NBEA: variants seen among roughly 807,000 people sequenced by gnomAD.
The protein encoded by NBEA is neurobeachin.
A neutral mutation model predicts 343.4 loss-of-function variants in NBEA; 44 were observed. The observed-to-expected ratio is 0.13, with a 90% CI of 0.10 to 0.16. The LOEUF (loss-of-function observed/expected upper bound fraction) is 0.16. Among genes scored for constraint, NBEA ranks in the 10% least tolerant of loss-of-function variants. The pLI is 1.00. For missense variants in NBEA, 2,555 were observed against 3,631.3 expected (o/e 0.70, Z 7.62); for synonymous variants, 1,175 against 1,238.7 (o/e 0.95, Z 1.08).
intron 1 of NBEA, among the ~76,000 whole-genome samples, chr13:34,959,473 G>A (rs2059594067): frequency 6.6e-6 from 1 of 152,018 alleles, no homozygotes; most frequent in Non-Finnish European, 1.5e-5. Flanking sequence ...AGCAGTTCAA[G>A]ATTCCTGGAA....
At chr13:35,034,601 A>C (rs2062369197) in intron 1 of NBEA, among the ~76,000 whole-genome samples, 1 of 151,588 alleles carries the variant, frequency 6.6e-6, no homozygotes, top group Non-Finnish European at 1.5e-5. Flanking sequence ...TCTATTTTTC[A>C]GAATAGTTTG....
chr13:35,607,394 A>G (rs2082323503), intron 48 of NBEA, among the ~76,000 whole-genome samples: 1 of 152,196 alleles, frequency 6.6e-6, no homozygotes, highest in East Asian at 1.9e-4. Flanking sequence ...CAGAATGTTC[A>G]CATATGGGAA....
At chr13:35,360,541 A>G (rs1440510977) in intron 38 of NBEA, among the ~76,000 whole-genome samples, 1 of 152,116 alleles carries the variant, frequency 6.6e-6, no homozygotes. Context: ...GCCAATCCCA[A>G]GATGACTAAA....
intron 41 of NBEA, among the ~76,000 whole-genome samples, chr13:35,503,298 A>G (rs1422259307): frequency 6.6e-6 from 1 of 151,824 alleles, no homozygotes; most frequent in Non-Finnish European, 1.5e-5. Flanking sequence ...CAGCCCAGAG[A>G]TAAGAATTTA....
intron 35 of NBEA, among the ~76,000 whole-genome samples, chr13:35,305,977 T>C (rs1306655604): frequency 6.6e-6 from 1 of 152,206 alleles, no homozygotes; most frequent in Non-Finnish European, 1.5e-5. Flanking sequence ...AACTCTCATA[T>C]TGAAAAATTG....
At chr13:35,033,514 G>A (rs1467598607) in intron 1 of NBEA, among the ~76,000 whole-genome samples, 1 of 151,348 alleles carries the variant, frequency 6.6e-6, no homozygotes, top group Non-Finnish European at 1.5e-5. Context: ...ATATAAATTT[G>A]AGCATTGTTT....
Position 35,318,630 on chromosome 13 carries a change from AG to A in NBEA, c.5903+9040del, listed in dbSNP as rs1268974783. Among the ~76,000 whole-genome samples the A allele has an allele frequency of 7.9e-5, 12 of 152,256 alleles. No individual in the cohort carries two copies. In the East Asian group the frequency reaches 1.7e-3, roughly 22 times the overall value. ...GTTGGCCTCATAAAATGAGTTAGGGAGGAGTCCCTCTTTTTCTACTGTTTGG... is the reference window on the plus strand; with the variant it reads ...GTTGGCCTCATAAAATGAGTTAGGGAGAGTCCCTCTTTTTCTACTGTTTGG... On this transcript the variant is annotated intron_variant, in intron 36 of 58. Transcript: ENST00000379939.
At chr13:35,530,863 C>T (rs1389275686) in intron 41 of NBEA, among the ~76,000 whole-genome samples, 1 of 152,160 alleles carries the variant, frequency 6.6e-6, no homozygotes, top group African/African-American at 2.4e-5. Context: ...TACTAACAGT[C>T]TACACTGTCA....
At chr13:35,545,353 T>A (rs2079016284) in intron 41 of NBEA, among the ~76,000 whole-genome samples, 2 of 152,170 alleles carry the variant, frequency 1.3e-5, no homozygotes, top group Admixed American at 1.3e-4. Flanking sequence ...ATCCTCCACA[T>A]GCCTCCCTAG....
At chr13:35,601,434 A>T (rs1057499920) in intron 47 of NBEA, among the ~76,000 whole-genome samples, 1 of 152,174 alleles carries the variant, frequency 6.6e-6, no homozygotes, top group East Asian at 1.9e-4. Flanking sequence ...AATCATTGCT[A>T]TGCAGAAAAT....
At chr13:35,337,467 A>G (rs527473933) in intron 36 of NBEA, among the ~76,000 whole-genome samples, 1 of 152,264 alleles carries the variant, frequency 6.6e-6, no homozygotes, top group South Asian at 2.1e-4. Flanking sequence ...TTTTAAAAAT[A>G]TATGCACTTA....
intron 40 of NBEA, among the ~76,000 whole-genome samples, chr13:35,459,600 T>A (rs1448214620): frequency 6.6e-6 from 1 of 152,102 alleles, no homozygotes; most frequent in Non-Finnish European, 1.5e-5. Flanking sequence ...GAAATGAAAG[T>A]AGACAGTTGA....
chr13:35,404,561 C>T (rs1386715552), intron 38 of NBEA, among the ~76,000 whole-genome samples: 61 of 134,578 alleles, frequency 4.5e-4, no homozygotes, highest in Non-Finnish European at 7.6e-4. Context: ...AATGAGAACA[C>T]ATGGACACAG....
intron 1 of NBEA, among the ~76,000 whole-genome samples, chr13:34,990,527 A>G (rs941572721): frequency 1.3e-5 from 2 of 150,898 alleles, no homozygotes; most frequent in Non-Finnish European, 3.0e-5. Flanking sequence ...GGATGCAGGG[A>G]GCAGTGTTCT....
chr13:35,244,183 A>T (rs1253260462), intron 34 of NBEA, among the ~76,000 whole-genome samples: 8 of 151,946 alleles, frequency 5.3e-5, no homozygotes. Context: ...TATTTTGAAT[A>T]ATAGAAATAA....
chr13:35,586,486 C>T (rs1213986899), intron 46 of NBEA, among the ~76,000 whole-genome samples: 1 of 152,068 alleles, frequency 6.6e-6, no homozygotes, highest in Admixed American at 6.6e-5. Flanking sequence ...TAAAAATGAA[C>T]TCTGTAATGA....
At chr13:35,213,627 AATG>A (rs1290455597) in intron 33 of NBEA, among the ~76,000 whole-genome samples, 1 of 142,964 alleles carries the variant, frequency 7.0e-6, no homozygotes, top group Non-Finnish European at 1.6e-5. Flanking sequence ...TTTTTTTAGT[AATG>A]ATTTTTAGTT....
chr13:35,163,353 C>T (rs979906643), intron 23 of NBEA, among the ~76,000 whole-genome samples: 59 of 151,524 alleles, frequency 3.9e-4, no homozygotes, highest in African/African-American at 1.4e-3. Flanking sequence ...TTATTTTTTT[C>T]CCATTAAAAA....
chr13:35,225,456 G>C (rs1195001335), intron 33 of NBEA, among the ~76,000 whole-genome samples: 1 of 152,066 alleles, frequency 6.6e-6, no homozygotes, highest in Non-Finnish European at 1.5e-5. Flanking sequence ...GAAGGATCTA[G>C]GCAGAACTTT....
Sources: gnomAD v4.1 joint callset for allele counts (sites outside exome capture counted in the v4.1 genomes callset) on GRCh38, gnomAD v4.1.1 for gene constraint, MANE v1.5 for transcripts, NCBI Gene and HGNC (gene_info 2026-07-23, HGNC 2026-07-21) for gene names.